The following NPAS3 variants were observed in gnomAD, a reference collection of about 807,000 sequenced individuals.
NPAS3 encodes the protein neuronal PAS domain-containing protein 3.
In NPAS3, 14 loss-of-function variants were observed where a neutral mutation model predicts 73.1. The observed-to-expected ratio is 0.19, with a 90% CI of 0.13 to 0.30. NPAS3 has a LOEUF of 0.30. Ranked by LOEUF, NPAS3 falls within the 10% of genes least tolerant of loss-of-function variation. The probability of loss-of-function intolerance (pLI) is 1.00; values close to 1 mark genes in which losing one functional copy is unlikely to be tolerated. For missense variants in NPAS3, 1,096 were observed against 1,250.0 expected, an observed-to-expected ratio of 0.88 and a Z score of 1.86; for synonymous variants, 620 against 541.5, an observed-to-expected ratio of 1.14 and a Z score of -2.01.
intron 4 of NPAS3, among the ~76,000 whole-genome samples, chr14:33,411,181 T>C (rs61974968): frequency 0.09 from 13,624 of 152,150 alleles, 719 homozygotes; most frequent in South Asian, 0.16. Flanking sequence ...GGAGGCTTTT[T>C]GTTTTTTCGT....
rs1425438896 is a variant in NPAS3 at position 33,526,898 on chromosome 14, C to T, written c.469-33223C>T. On this transcript the variant is annotated intron_variant, in intron 4 of 11. Coordinates refer to ENST00000356141, the Ensembl canonical transcript of NPAS3. Reference sequence around the variant, plus strand: ...TACTTCATTGACATAACCTAATATTCATTCATTTCTGTTATGAGAACAAGG... The same window carrying T: ...TACTTCATTGACATAACCTAATATTTATTCATTTCTGTTATGAGAACAAGG... Among the ~76,000 whole-genome samples, 4 of 152,082 alleles carry T rather than the reference C, an allele frequency of 2.6e-5. No homozygotes were observed. In the East Asian group the frequency reaches 7.7e-4, roughly 29 times the overall value.
At chr14:33,401,486 T>A (rs947364548) in intron 4 of NPAS3, among the ~76,000 whole-genome samples, 3 of 152,082 alleles carry the variant, frequency 2.0e-5, no homozygotes, top group African/African-American at 7.2e-5. Flanking sequence ...AAACAATTAG[T>A]AATGTCATGC....
intron 1 of NPAS3, among the ~76,000 whole-genome samples, chr14:32,960,584 G>A (rs1362304491): frequency 6.6e-6 from 1 of 152,102 alleles, no homozygotes; most frequent in East Asian, 1.9e-4. Flanking sequence ...CATTAATTCA[G>A]AAGTAATAAA....
In NPAS3 at chr14:33,185,208, G is replaced by C. The variant is rs371523341; in HGVS notation, c.141-29974G>C. Among the ~76,000 whole-genome samples, 202 of 152,178 alleles carry C rather than the reference G, an allele frequency of 1.3e-3. 1 individual carries two copies. Among genetic ancestry groups the C allele is most frequent in the African/African-American group, 4.0e-3 (165 of 41,536 alleles). On this transcript the variant is annotated intron_variant, in intron 2 of 11. Transcript: ENST00000356141. ...AAACAAAAGTACATTCTAGAATACA[G>C]AAAAAAATGTAAGGACCATTTTCCT...
intron 4 of NPAS3, among the ~76,000 whole-genome samples, chr14:33,451,524 C>T (rs2049789711): frequency 6.6e-6 from 1 of 152,160 alleles, no homozygotes; most frequent in Non-Finnish European, 1.5e-5. Flanking sequence ...ATTTATTTTC[C>T]TCTCTCTCGA....
At chr14:33,659,543 G>A (rs2059246438) in intron 5 of NPAS3, among the ~76,000 whole-genome samples, 2 of 152,088 alleles carry the variant, frequency 1.3e-5, no homozygotes. Flanking sequence ...AGCAAACAGA[G>A]CAAGAACTTA....
intron 3 of NPAS3, among the ~76,000 whole-genome samples, chr14:33,329,666 C>T (rs2043890407): frequency 6.6e-6 from 1 of 152,068 alleles, no homozygotes; most frequent in South Asian, 2.1e-4. Flanking sequence ...TAGGCAGGGG[C>T]ATGATCCTTC....
chr14:33,288,907 A>G lies in NPAS3; in HGVS notation c.385+73481A>G, dbSNP rs192716125. ...ATGAACCAACGTTGGGGAGTGCTCAATCATGAGATTCCAATTAGCACAGTG... is the reference window on the plus strand; with the variant it reads ...ATGAACCAACGTTGGGGAGTGCTCAGTCATGAGATTCCAATTAGCACAGTG... On this transcript the variant is annotated intron_variant, in intron 3 of 11. Coordinates refer to ENST00000356141, the Ensembl canonical transcript of NPAS3. Among the ~76,000 whole-genome samples, 701 of 152,302 alleles carry G rather than the reference A, an allele frequency of 4.6e-3. 8 individuals carry two copies. The highest frequency in any genetic ancestry group is 0.015 in the African/African-American group (638 of 41,576).
chr14:33,700,732 C>T (rs148500185), intron 6 of NPAS3, among the ~76,000 whole-genome samples: 3 of 152,270 alleles, frequency 2.0e-5, no homozygotes, highest in East Asian at 1.9e-4. Flanking sequence ...ATAGTGATTG[C>T]GTCCAGGACT....
chr14:33,464,732 G>A (rs2050431030), intron 4 of NPAS3, among the ~76,000 whole-genome samples: 1 of 152,154 alleles, frequency 6.6e-6, no homozygotes, highest in African/African-American at 2.4e-5. Flanking sequence ...TTGATTTATG[G>A]TCATAGGCTC....
At chr14:33,310,807 A>G (rs1181726787) in intron 3 of NPAS3, among the ~76,000 whole-genome samples, 1 of 140,996 alleles carries the variant, frequency 7.1e-6, no homozygotes, top group Admixed American at 6.8e-5. Flanking sequence ...ACACACACAC[A>G]CACACACACA....
intron 4 of NPAS3, among the ~76,000 whole-genome samples, chr14:33,408,960 TG>T (rs2047791797): frequency 6.6e-6 from 1 of 152,208 alleles, no homozygotes. Flanking sequence ...GCTTTATTTT[TG>T]GACACAAATG....
At chr14:33,056,476 C>T (rs1004691794) in intron 2 of NPAS3, among the ~76,000 whole-genome samples, 1 of 152,172 alleles carries the variant, frequency 6.6e-6, no homozygotes, top group Admixed American at 6.5e-5. Flanking sequence ...ACTTAACATG[C>T]TAGCTAAGAT....
chr14:33,745,363 C>T (rs181474934), intron 7 of NPAS3, among the ~76,000 whole-genome samples: 40 of 152,332 alleles, frequency 2.6e-4, no homozygotes, highest in African/African-American at 9.6e-4. Context: ...AGAGTGATAA[C>T]CAGAGCAGCT....
At chr14:33,181,688 A>C (rs1443704289) in intron 2 of NPAS3, among the ~76,000 whole-genome samples, 1 of 152,232 alleles carries the variant, frequency 6.6e-6, no homozygotes, top group Non-Finnish European at 1.5e-5. Flanking sequence ...AATTAAAATT[A>C]AATGGCTGCT....
chr14:33,628,362 A>G (rs2058281271), intron 5 of NPAS3, among the ~76,000 whole-genome samples: 1 of 152,236 alleles, frequency 6.6e-6, no homozygotes, highest in African/African-American at 2.4e-5. Context: ...CACAGGTTGG[A>G]GAACTGTGAA....
chr14:33,531,173 G>A (rs2054026240), intron 4 of NPAS3, among the ~76,000 whole-genome samples: 1 of 152,018 alleles, frequency 6.6e-6, no homozygotes, highest in Non-Finnish European at 1.5e-5. Context: ...CCAGTCAAAG[G>A]AAGTGTGGGT....
At chr14:33,550,795 A>C (rs948950229) in intron 4 of NPAS3, among the ~76,000 whole-genome samples, 2 of 152,208 alleles carry the variant, frequency 1.3e-5, no homozygotes, top group African/African-American at 4.8e-5. Flanking sequence ...TCTGGAGCTA[A>C]GGCAGTGAAG....
At chr14:33,266,880 A>G (rs2040841325) in intron 3 of NPAS3, among the ~76,000 whole-genome samples, 1 of 152,202 alleles carries the variant, frequency 6.6e-6, no homozygotes, top group Non-Finnish European at 1.5e-5. Context: ...TTAGAGATAA[A>G]TATCAAAGGT....
Sources: allele counts gnomAD v4.1 joint callset (sites outside exome capture counted in the v4.1 genomes callset), GRCh38; gene constraint gnomAD v4.1.1; transcripts MANE v1.5; gene names NCBI Gene and HGNC (gene_info 2026-07-23, HGNC 2026-07-21).